Variants in RALGAPA2 observed in about 807,000 individuals in gnomAD.
RALGAPA2 encodes ral GTPase-activating protein subunit alpha-2.
Under a neutral mutation model 230.4 loss-of-function variants are expected in RALGAPA2, and 139 were observed. That is an observed-to-expected ratio of 0.60 (90% CI 0.53 to 0.69). RALGAPA2 has a LOEUF of 0.69. Ranked by LOEUF, RALGAPA2 falls within the 30% of genes least tolerant of loss-of-function variation. RALGAPA2 has a pLI of 0.00. For synonymous variants in RALGAPA2, 847 were observed against 837.8 expected (o/e 1.01, Z -0.19); for missense variants, 2,163 against 2,276.0 (o/e 0.95, Z 1.01).
chr20:20,665,347 AC>A (rs2067925415), intron 3 of RALGAPA2, among the ~76,000 whole-genome samples: 1 of 152,334 alleles, frequency 6.6e-6, no homozygotes, highest in African/African-American at 2.4e-5. Context: ...CAAGTGGCAC[AC>A]TATGTGAAAG....
At chr20:20,513,341 A>G in intron 31 of RALGAPA2, 57 bp from the exon 32 acceptor site, 1 of 1,292,408 alleles carries the variant, frequency 7.7e-7, no homozygotes, top group Admixed American at 3.3e-5. Context: ...ATTAAAACTC[A>G]ACACCTTTTT....
At chr20:20,539,884 G>A (rs539546425) in intron 24 of RALGAPA2, among the ~76,000 whole-genome samples, 1 of 152,234 alleles carries the variant, frequency 6.6e-6, no homozygotes, top group South Asian at 2.1e-4. Flanking sequence ...TCTGAGCTTG[G>A]CTTCTTTCAT....
intron 37 of RALGAPA2, among the ~76,000 whole-genome samples, chr20:20,424,646 C>T (rs922049463): frequency 3.4e-4 from 51 of 152,224 alleles, no homozygotes; most frequent in Non-Finnish European, 6.5e-4. Context: ...ATTTAATATC[C>T]ATGAAGTGAC....
chr20:20,659,542 C>T (rs1055740108), intron 3 of RALGAPA2, among the ~76,000 whole-genome samples: 6 of 151,994 alleles, frequency 3.9e-5, no homozygotes, highest in African/African-American at 1.2e-4. Context: ...CAAAATAATC[C>T]GAAAACAAGG....
intron 37 of RALGAPA2, among the ~76,000 whole-genome samples, chr20:20,467,255 A>G (rs1219210569): frequency 6.6e-6 from 1 of 152,140 alleles, no homozygotes; most frequent in African/African-American, 2.4e-5. Flanking sequence ...GCTTCCTCTA[A>G]TCTCCGAAAA....
At chr20:20,632,141 C>T (rs865939461) in intron 9 of RALGAPA2, among the ~76,000 whole-genome samples, 41 of 152,136 alleles carry the variant, frequency 2.7e-4, no homozygotes, top group Middle Eastern at 6.8e-3. Context: ...TCTCCTGCCT[C>T]AGCCTCCTGA....
chr20:20,709,193 C>T (rs566571808), intron 1 of RALGAPA2, among the ~76,000 whole-genome samples: 2 of 152,270 alleles, frequency 1.3e-5, no homozygotes. Context: ...GTGGTACACA[C>T]CTGTAATCCC....
rs985699937 is a variant in RALGAPA2, at chr20:20,712,313, C to A, written c.106+62G>T. The A allele has an allele frequency of 1.1e-5, 17 of 1,489,666 alleles. No individual in the cohort carries two copies. The highest frequency in any genetic ancestry group is 1.5e-5 in the Non-Finnish European group (17 of 1,102,184). The allele number at this position is 1,489,666 out of a possible 1,614,324, so 92.3% of individuals were successfully genotyped here. A position where few individuals can be genotyped will look rare whatever the true frequency, so the allele number is the denominator to read the frequency against. Reference sequence around the variant, plus strand: ...AGCCACCGACCCCTGCACAGAGGAGCGCCCTCCCGGCAGGTGCCCCTAACC... The same window carrying A: ...AGCCACCGACCCCTGCACAGAGGAGAGCCCTCCCGGCAGGTGCCCCTAACC... On this transcript the variant is annotated intron_variant, in intron 1 of 39. Transcript: ENST00000202677. The surrounding 1 kb of genome is among the most constrained non-coding windows in gnomAD (Gnocchi z 5.5).
intron 14 of RALGAPA2, among the ~76,000 whole-genome samples, chr20:20,607,579 T>C (rs990838545): frequency 3.9e-5 from 6 of 152,148 alleles, no homozygotes; most frequent in African/African-American, 1.2e-4. Flanking sequence ...AACGTACCTA[T>C]AGACAATAAA....
chr20:20,504,278 A>C (rs888421876), intron 34 of RALGAPA2, among the ~76,000 whole-genome samples: 1 of 152,206 alleles, frequency 6.6e-6, no homozygotes, highest in Non-Finnish European at 1.5e-5. Flanking sequence ...TACTGGAAGT[A>C]CAGTAACTGT....
chr20:20,456,957 C>T (rs960946227), intron 37 of RALGAPA2, among the ~76,000 whole-genome samples: 1 of 152,148 alleles, frequency 6.6e-6, no homozygotes, highest in Non-Finnish European at 1.5e-5. Flanking sequence ...GAACTTGCAA[C>T]ACCATGTCCA....
At chr20:20,591,106 A>G (rs892240038) in intron 17 of RALGAPA2, 71 bp downstream of exon 17, 2 of 1,525,836 alleles carry the variant, frequency 1.3e-6, no homozygotes, top group African/African-American at 2.8e-5. Flanking sequence ...GTACAAAGCA[A>G]TACTATATGC....
chr20:20,412,596 T>G (rs1315743893), intron 37 of RALGAPA2, among the ~76,000 whole-genome samples: 1 of 152,078 alleles, frequency 6.6e-6, no homozygotes, highest in Non-Finnish European at 1.5e-5. Flanking sequence ...TTCTTAAAAA[T>G]AAGAAGATGC....
intron 3 of RALGAPA2, among the ~76,000 whole-genome samples, chr20:20,657,006 C>T (rs1381586169): frequency 6.6e-6 from 1 of 152,182 alleles, no homozygotes; most frequent in Non-Finnish European, 1.5e-5. Flanking sequence ...GGTTCTTTAA[C>T]TCAAACTTTC....
At chr20:20,538,263 G>A (rs1177362819) in intron 24 of RALGAPA2, among the ~76,000 whole-genome samples, 2 of 152,194 alleles carry the variant, frequency 1.3e-5, no homozygotes, top group Non-Finnish European at 2.9e-5. Flanking sequence ...CATGGGATGA[G>A]GCAAGGATTG....
At chr20:20,709,530 T>G (rs1439568993) in intron 1 of RALGAPA2, among the ~76,000 whole-genome samples, 1 of 152,254 alleles carries the variant, frequency 6.6e-6, no homozygotes, top group East Asian at 1.9e-4. Flanking sequence ...AATATGGTAA[T>G]ACACAGGGTT....
intron 38 of RALGAPA2, 54 bp from the exon 39 acceptor site, chr20:20,396,788 T>G: frequency 7.1e-7 from 1 of 1,405,404 alleles, no homozygotes; most frequent in South Asian, 1.2e-5. Flanking sequence ...CCCCCACAGC[T>G]CCAACTTGAT....
At position 20,546,828 on chromosome 20, in the gene RALGAPA2, A is replaced by G. The variant is rs773661105; in HGVS notation, c.3161T>C (p.Ile1054Thr). ...HLGLTSEDQD[I>T]LNTIIRHCPP... Reference sequence around the variant, plus strand: ...ACAGTGCCTTATGATCGTATTTAAGATATCCTAAAAGGGAAGATAAGAAAA... The same window carrying G: ...ACAGTGCCTTATGATCGTATTTAAGGTATCCTAAAAGGGAAGATAAGAAAA... Residue 1054 changes from isoleucine (I) to threonine (T), a missense_variant, in exon 24 of 40, where the codon ATC becomes ACC. Ile to Thr is a moderately conservative substitution (Grantham distance 89). Transcript: ENST00000202677. The G allele has an allele frequency of 1.9e-6, 3 of 1,580,566 alleles. No individual in the cohort carries two copies. The highest frequency in any genetic ancestry group is 2.6e-6 in the Non-Finnish European group (3 of 1,170,006).
intron 36 of RALGAPA2, among the ~76,000 whole-genome samples, chr20:20,487,357 C>CT (rs1168330911): frequency 1.3e-5 from 2 of 152,162 alleles, no homozygotes; most frequent in African/African-American, 4.8e-5. Context: ...ATGTGCAGTT[C>CT]TTTCAGCTGT....
Sources: gnomAD v4.1 joint callset for allele counts (sites outside exome capture counted in the v4.1 genomes callset) on GRCh38, gnomAD v4.1.1 for gene constraint, Gnocchi (gnomAD v3.1) non-coding constraint, MANE v1.5 for transcripts, NCBI Gene and HGNC (gene_info 2026-07-23, HGNC 2026-07-21) for gene names.